The following RAD50 variants were observed in gnomAD, a reference collection of about 807,000 sequenced individuals.
RAD50 encodes RAD50 double strand break repair protein, also known as DNA repair protein RAD50.
RAD50 carries 132 observed loss-of-function variants against 168.8 expected under a neutral mutation model. That is an observed-to-expected ratio of 0.78 (90% confidence interval 0.68 to 0.90). The LOEUF (loss-of-function observed/expected upper bound fraction) is 0.90, where lower values mean the gene tolerates loss of function less well. Ranked by LOEUF, RAD50 falls within the 40% of genes least tolerant of loss-of-function variation. The pLI is 0.00. For synonymous variants in RAD50, 525 were observed against 497.4 expected (o/e 1.06, Z -0.74); for missense variants, 1,347 against 1,534.4 (o/e 0.88, Z 2.04).
rs539237753 is a variant in RAD50 at position 132,601,032 on chromosome 5, AAAAC to A, written c.2208-2263_2208-2260del. 5.6e-3 allele frequency among the ~76,000 whole-genome samples: 858 copies of A among 152,268 alleles called. 26 individuals are homozygous for A. The highest frequency in any genetic ancestry group is 3.4e-3 in the Middle Eastern group (1 of 294). On this transcript the variant is annotated intron_variant, in intron 13 of 24. Transcript: ENST00000378823. ...AAATGTCATAAATTTAAAAAAAAGA[AAAAC>A]AAACCCAGAGAGTGCAGTGGCACAA...
intron 5 of RAD50, among the ~76,000 whole-genome samples, chr5:132,586,601 A>G (rs1433876377): frequency 6.6e-6 from 1 of 152,242 alleles, no homozygotes; most frequent in African/African-American, 2.4e-5. Context: ...CTATACTATT[A>G]GTATAATTTT....
intron 16 of RAD50, among the ~76,000 whole-genome samples, chr5:132,607,562 TATC>T (rs1412373403): frequency 6.6e-6 from 1 of 152,202 alleles, no homozygotes; most frequent in African/African-American, 2.4e-5. Context: ...GATTACAAAA[TATC>T]AGAGGTTCAG....
In RAD50 at chr5:132,640,750, C is replaced by A. The variant is rs768985477; in HGVS notation, c.3697C>A (p.Pro1233Thr). 13 of 1,614,036 alleles carry A rather than the reference C, an allele frequency of 8.1e-6. No homozygotes were observed. Among genetic ancestry groups the A allele is most frequent in the Non-Finnish European group, 1.1e-5 (13 of 1,180,030 alleles). Residue 1233 changes from proline (P) to threonine (T), a missense_variant, in exon 24 of 25, where the codon CCA (proline) becomes ACA (threonine). Pro to Thr is a conservative substitution (Grantham distance 38, BLOSUM62 -1). Around this residue, in one of 3 missense-constraint regions of RAD50, gnomAD observed 635 missense variants for 739.2 expected, o/e 0.86. Coordinates refer to ENST00000378823, the MANE Select transcript of RAD50 (RefSeq NM_005732.4). ...LNCGIIALDEPTTNLDRENIE... is the reference protein window; with the variant it reads ...LNCGIIALDETTTNLDRENIE... ...CTGTGGCATCATTGCCTTGGATGAG[C>A]CAACAACAAATCTTGACCGAGAAAA...
intron 13 of RAD50, among the ~76,000 whole-genome samples, chr5:132,601,552 G>A (rs1453626332): frequency 1.3e-5 from 2 of 152,112 alleles, no homozygotes; most frequent in Non-Finnish European, 2.9e-5. Context: ...TGTGACAACA[G>A]TGTTCAAGAG....
chr5:132,625,385 C>T (rs907062429), intron 21 of RAD50, among the ~76,000 whole-genome samples: 10 of 152,162 alleles, frequency 6.6e-5, no homozygotes, highest in African/African-American at 2.4e-4. Flanking sequence ...CGCGCCCGGC[C>T]GAATTCTTTT....
At chr5:132,581,953 G>C (rs888780860) in intron 5 of RAD50, among the ~76,000 whole-genome samples, 2 of 151,978 alleles carry the variant, frequency 1.3e-5, no homozygotes, top group African/African-American at 4.8e-5. Flanking sequence ...CACATGTAAT[G>C]GTAAGGCAGA....
At chr5:132,585,570 T>C (rs567814795) in intron 5 of RAD50, among the ~76,000 whole-genome samples, 1 of 151,954 alleles carries the variant, frequency 6.6e-6, no homozygotes, top group Non-Finnish European at 1.5e-5. Flanking sequence ...TTGGTCATTT[T>C]ATTATTGAGC....
chr5:132,557,566 G>C, intron 1 of RAD50, 113 bp downstream of exon 1: 1 of 1,487,282 alleles, frequency 6.7e-7, no homozygotes, highest in South Asian at 1.2e-5. Context: ...CTCCACAGGT[G>C]TAGGCCCTTA....
chr5:132,562,150 A>G (rs1750134901), intron 2 of RAD50, among the ~76,000 whole-genome samples: 1 of 152,232 alleles, frequency 6.6e-6, no homozygotes, highest in Non-Finnish European at 1.5e-5. Context: ...GGAAAATGGT[A>G]GAAAATAAAG....
At chr5:132,594,342 A>G (rs1189473582) in intron 11 of RAD50, among the ~76,000 whole-genome samples, 1 of 152,230 alleles carries the variant, frequency 6.6e-6, no homozygotes, top group Admixed American at 6.5e-5. Flanking sequence ...GAGGTTGGCT[A>G]GGATGATGTT....
rs1231163254 is a variant in RAD50 at position 132,643,033 on chromosome 5, A to G, written c.*669A>G. The G allele has an allele frequency of 7.6e-6, 4 of 528,856 alleles. No individual in the cohort carries two copies. 32.8% of individuals were successfully genotyped at this position (528,856 alleles called of 1,614,324 possible). On this transcript the variant is annotated 3_prime_UTR_variant, in exon 25 of 25. Transcript: ENST00000378823. The stretch of plus-strand genomic sequence containing the variant: ...GTCATCCAGACTCAGAGCTCTCTCT[A>G]CAGAGAGGAAATTCTCCACTGTGCA...
At chr5:132,631,248 A>G (rs1412398344) in intron 21 of RAD50, among the ~76,000 whole-genome samples, 1 of 151,478 alleles carries the variant, frequency 6.6e-6, no homozygotes, top group Admixed American at 6.6e-5. Context: ...AGCCTCCCAA[A>G]TAGCTGGGAT....
At chr5:132,609,489 A>G in intron 19 of RAD50, 93 bp downstream of exon 19, 1 of 1,545,576 alleles carries the variant, frequency 6.5e-7, no homozygotes, top group East Asian at 2.4e-5. Context: ...TAGAAATGCA[A>G]AAAGGAAAGA....
In RAD50 at chr5:132,611,730, G is replaced by A. The variant is rs1413985331; in HGVS notation, c.3036+2334G>A. On this transcript the variant is annotated intron_variant, in intron 19 of 24. Transcript: ENST00000378823. ...TAAAAAAAAAAAAAAAAAAAAAAAA[G>A]TCACAATTAGTCAAGATTCACATTG... is the stretch of plus-strand genomic sequence containing the variant. 5.7e-3 allele frequency among the ~76,000 whole-genome samples: 711 copies of A among 124,642 alleles called. 8 individuals are homozygous for A. The highest frequency in any genetic ancestry group is 0.02 in the African/African-American group (623 of 31,774). The allele number at this position is 124,642 out of a possible 152,430, so 81.8% of individuals were successfully genotyped here.
rs104895048 is a variant in RAD50 at position 132,616,165 on chromosome 5, C to T, written c.3164+35C>T. ...TAAAATAATCTTCAGTTTAAATAAA[C>T]GTCTTTATTACTGGAATGTGAAGAA... is the stretch of plus-strand genomic sequence containing the variant. On this transcript the variant is annotated intron_variant, in intron 20 of 24. Coordinates refer to ENST00000378823, the MANE Select transcript of RAD50 (RefSeq NM_005732.4). The T allele has an allele frequency of 2.1e-3, 3,380 of 1,588,660 alleles. 4 individuals carry two copies. The highest frequency in any genetic ancestry group is 2.8e-3 in the Non-Finnish European group (3,193 of 1,159,748).
intron 21 of RAD50, among the ~76,000 whole-genome samples, chr5:132,629,451 G>C (rs530593587): frequency 3.3e-5 from 5 of 152,270 alleles, no homozygotes; most frequent in African/African-American, 1.2e-4. Flanking sequence ...TGGCGGGGTG[G>C]AGAGGTACAG....
chr5:132,643,410 T>G lies in RAD50; in HGVS notation c.*1046T>G. 4.3e-6 allele frequency: 1 copy of G among 233,142 alleles called. No homozygotes were observed. The allele number at this position is 233,142 out of a possible 1,614,324, so 14.4% of individuals were successfully genotyped here. On this transcript the variant is annotated 3_prime_UTR_variant, in exon 25 of 25. Coordinates refer to ENST00000378823, the MANE Select transcript of RAD50 (RefSeq NM_005732.4). ...AAGTCACACGCTTTTGAATTATGCT[T>G]TGTAGAGTTTTGTCATTCAGAGTCA...
In RAD50 at chr5:132,595,691, A is replaced by C. The variant is rs751614447; in HGVS notation, c.2088A>C (p.Glu696Asp). ...RVFQTEAELQ[E>D]VISDLQSKLR... ...TTCAGACAGAGGCTGAGTTACAAGA[A>C]GTCATCAGTGATTTGCAGTCTAAAC... Residue 696 changes from glutamate to aspartate, a missense_variant, in exon 13 of 25, where the codon GAA becomes GAC. Around this residue, in one of 3 missense-constraint regions of RAD50, gnomAD observed 635 missense variants for 739.2 expected, o/e 0.86. Transcript: ENST00000378823. 14 of 1,613,948 alleles carry C rather than the reference A, an allele frequency of 8.7e-6. No homozygotes were observed. Among genetic ancestry groups the C allele is most frequent in the Non-Finnish European group, 8.5e-7 (1 of 1,179,790 alleles).
chr5:132,603,212 T>G, intron 13 of RAD50, 88 bp from the exon 14 acceptor site: 1 of 1,199,804 alleles, frequency 8.3e-7, no homozygotes, highest in African/African-American at 1.5e-5. Flanking sequence ...CAATGTCACT[T>G]CTGTGGTATT....
Sources: allele counts gnomAD v4.1 joint callset (sites outside exome capture counted in the v4.1 genomes callset), GRCh38; gene constraint gnomAD v4.1.1; regional missense constraint gnomAD v4.1.1; transcripts MANE v1.5; gene names NCBI Gene and HGNC (gene_info 2026-07-23, HGNC 2026-07-21).